The following SEMA6D variants were observed in gnomAD, a reference collection of about 807,000 sequenced individuals.
SEMA6D encodes the protein semaphorin 6D.
Under a neutral mutation model 106.6 loss-of-function variants are expected in SEMA6D, and 35 were observed. The observed-to-expected ratio is 0.33, with a 90% CI of 0.25 to 0.44. The LOEUF is 0.44. Among genes scored for constraint, SEMA6D ranks in the 20% least tolerant of loss-of-function variants. The pLI is 1.00. For synonymous variants in SEMA6D, 499 were observed against 487.7 expected (o/e 1.02, Z -0.31); for missense variants, 1,185 against 1,345.9 (o/e 0.88, Z 1.87).
At chr15:47,581,174 A>G (rs1044542365) in intron 3 of SEMA6D, among the ~76,000 whole-genome samples, 2 of 152,192 alleles carry the variant, frequency 1.3e-5, no homozygotes, top group African/African-American at 2.4e-5. Flanking sequence ...CTTAACATAT[A>G]TAAAACTGTG....
At chr15:47,355,812 A>G (rs2038542630) in intron 1 of SEMA6D, among the ~76,000 whole-genome samples, 2 of 152,170 alleles carry the variant, frequency 1.3e-5, no homozygotes, top group Non-Finnish European at 2.9e-5. Context: ...TTGTACTAGA[A>G]GGGCATGTAA....
At chr15:47,726,462 T>C (rs560146992) in intron 1 of SEMA6D, among the ~76,000 whole-genome samples, 1 of 152,378 alleles carries the variant, frequency 6.6e-6, no homozygotes, top group South Asian at 2.1e-4. Context: ...GAAGTCATTT[T>C]CCTAGGGTCA....
At position 47,512,141 on chromosome 15, in the gene SEMA6D, C is replaced by T. The variant is rs534095628; in HGVS notation, c.-87+41596C>T. 5.9e-5 allele frequency among the ~76,000 whole-genome samples: 9 copies of T among 152,260 alleles called. No homozygotes were observed. The South Asian group carries it at 6.2e-4, about 11-fold the overall frequency. On this transcript the variant is annotated intron_variant, in intron 3 of 19. Coordinates refer to the SEMA6D transcript ENST00000558014. Reference sequence around the variant, plus strand: ...TGACAACCACTTCACTAGCTACAAGCGCAGTGCTTTAGATGTGCTGTTAGG... The same window carrying T: ...TGACAACCACTTCACTAGCTACAAGTGCAGTGCTTTAGATGTGCTGTTAGG...
At chr15:47,662,154 A>G (rs535273828) in intron 4 of SEMA6D, among the ~76,000 whole-genome samples, 2 of 152,284 alleles carry the variant, frequency 1.3e-5, no homozygotes, top group Non-Finnish European at 2.9e-5. Context: ...CAGTAGTTCC[A>G]ATAGGCTCTG....
At chr15:47,746,779 C>G (rs1370263501) in intron 1 of SEMA6D, among the ~76,000 whole-genome samples, 4 of 152,108 alleles carry the variant, frequency 2.6e-5, no homozygotes, top group African/African-American at 9.7e-5. Flanking sequence ...TGAGCCCTTC[C>G]TTTGTCTAGA....
At chr15:47,402,089 C>A (rs2040419070) in intron 1 of SEMA6D, among the ~76,000 whole-genome samples, 1 of 152,134 alleles carries the variant, frequency 6.6e-6, no homozygotes. Flanking sequence ...TGAAAATGTT[C>A]AGTATCTGTA....
intron 4 of SEMA6D, among the ~76,000 whole-genome samples, chr15:47,680,896 C>G (rs760038188): frequency 1.1e-4 from 16 of 152,256 alleles, no homozygotes; most frequent in Non-Finnish European, 2.1e-4. Flanking sequence ...GAGGTATCAC[C>G]TCACATATTA....
intron 1 of SEMA6D, among the ~76,000 whole-genome samples, chr15:47,348,727 C>CACCACACAGAGAG (rs1450109233): frequency 1.8e-5 from 1 of 57,054 alleles, no homozygotes; most frequent in Admixed American, 2.4e-4. Flanking sequence ...ACCACACACA[C>CACCACACAGAGAG]AGAGAGAGAG....
At chr15:47,642,409 C>T (rs1360515697) in intron 4 of SEMA6D, among the ~76,000 whole-genome samples, 1 of 151,896 alleles carries the variant, frequency 6.6e-6, no homozygotes, top group Non-Finnish European at 1.5e-5. Context: ...GTGCTTTTTC[C>T]ACTCTTCTGT....
intron 3 of SEMA6D, among the ~76,000 whole-genome samples, chr15:47,486,622 A>G (rs888003509): frequency 6.6e-6 from 1 of 152,226 alleles, no homozygotes; most frequent in African/African-American, 2.4e-5. Context: ...CCTCATATGC[A>G]CCCTGCTGAA....
chr15:47,541,312 A>G (rs1484603924), intron 3 of SEMA6D, among the ~76,000 whole-genome samples: 1 of 152,214 alleles, frequency 6.6e-6, no homozygotes, highest in Non-Finnish European at 1.5e-5. Flanking sequence ...CTCTTAAAGT[A>G]TCTAAGTGTT....
At chr15:47,453,928 T>C (rs187694395) in intron 2 of SEMA6D, among the ~76,000 whole-genome samples, 3 of 152,102 alleles carry the variant, frequency 2.0e-5, no homozygotes, top group East Asian at 3.9e-4. Flanking sequence ...TTATTTTCTA[T>C]TGATGCTCTT....
intron 4 of SEMA6D, among the ~76,000 whole-genome samples, chr15:47,629,082 T>G (rs2077250562): frequency 6.6e-6 from 1 of 152,084 alleles, no homozygotes; most frequent in African/African-American, 2.4e-5. Context: ...TTCAGTGTCA[T>G]TGATCTATAT....
intron 3 of SEMA6D, among the ~76,000 whole-genome samples, chr15:47,501,878 T>C (rs1328110339): frequency 6.6e-6 from 1 of 150,656 alleles, no homozygotes; most frequent in African/African-American, 2.5e-5. Context: ...TTTTGTTTTG[T>C]TTTACTATAA....
intron 4 of SEMA6D, among the ~76,000 whole-genome samples, chr15:47,698,655 CATAT>C (rs922098658): frequency 6.6e-6 from 1 of 152,162 alleles, no homozygotes; most frequent in Non-Finnish European, 1.5e-5. Context: ...AGCTAATTCA[CATAT>C]ATAAAGTAGA....
At chr15:47,687,316 G>C (rs1322533955) in intron 4 of SEMA6D, among the ~76,000 whole-genome samples, 1 of 152,118 alleles carries the variant, frequency 6.6e-6, no homozygotes, top group Non-Finnish European at 1.5e-5. Flanking sequence ...ATGCAACAGG[G>C]AAGGCAGATC....
chr15:47,578,756 A>G (rs2076202764), intron 3 of SEMA6D, among the ~76,000 whole-genome samples: 1 of 152,076 alleles, frequency 6.6e-6, no homozygotes, highest in Non-Finnish European at 1.5e-5. Context: ...ATGGATGTGT[A>G]CCTATGTGGC....
chr15:47,626,754 C>G (rs2077208549), intron 4 of SEMA6D, among the ~76,000 whole-genome samples: 1 of 151,906 alleles, frequency 6.6e-6, no homozygotes, highest in South Asian at 2.1e-4. Context: ...TAACAAGTCC[C>G]CTTGTTTGAT....
At chr15:47,761,506 T>C in intron 6 of SEMA6D, 75 bp downstream of exon 6, 1 of 1,335,390 alleles carries the variant, frequency 7.5e-7, no homozygotes. Context: ...AGAGTTGAAA[T>C]CTTTCTGCTT....
Sources: gnomAD v4.1 joint callset for allele counts (sites outside exome capture counted in the v4.1 genomes callset) on GRCh38, gnomAD v4.1.1 for gene constraint, MANE v1.5 for transcripts, NCBI Gene and HGNC (gene_info 2026-07-23, HGNC 2026-07-21) for gene names.